The following FRK variants were observed in gnomAD, a reference collection of about 807,000 sequenced individuals.
FRK encodes the protein tyrosine-protein kinase FRK.
FRK carries 51 observed loss-of-function variants against 56.4 expected under a neutral mutation model. The ratio of observed to expected loss-of-function variants is 0.90; its 90% CI spans 0.72 to 1.14. FRK has a LOEUF of 1.14. Ranked by LOEUF, FRK falls within the 50% of genes most tolerant of loss-of-function variation. The pLI is 0.00. For missense variants in FRK, 570 were observed against 601.4 expected (o/e 0.95, Z 0.55); for synonymous variants, 245 against 217.9 (o/e 1.12, Z -1.10).
intron 1 of FRK, among the ~76,000 whole-genome samples, chr6:116,021,232 G>C (rs1487005616): frequency 6.6e-6 from 1 of 150,966 alleles, no homozygotes; most frequent in Admixed American, 6.6e-5. Flanking sequence ...ATTACAGTTG[G>C]AAAAACACAA....
At chr6:116,036,107 T>G (rs188203360) in intron 1 of FRK, among the ~76,000 whole-genome samples, 2 of 152,240 alleles carry the variant, frequency 1.3e-5, no homozygotes, top group Non-Finnish European at 2.9e-5. Context: ...TGCCTGCACT[T>G]TTTTTAAAAA....
chr6:115,973,215 C>A (rs972328869), intron 2 of FRK, among the ~76,000 whole-genome samples: 4 of 152,118 alleles, frequency 2.6e-5, no homozygotes, highest in Non-Finnish European at 5.9e-5. Context: ...ATATAATAAT[C>A]ATCAAATAGA....
At chr6:115,948,450 C>T (rs1434979719) in intron 5 of FRK, among the ~76,000 whole-genome samples, 6 of 152,310 alleles carry the variant, frequency 3.9e-5, no homozygotes, top group East Asian at 3.9e-4. Context: ...AGATAATAAA[C>T]ATTTGCTGCT....
At chr6:115,989,912 C>T (rs1774531990) in intron 2 of FRK, among the ~76,000 whole-genome samples, 1 of 151,822 alleles carries the variant, frequency 6.6e-6, no homozygotes, top group South Asian at 2.1e-4. Context: ...TACCAGTGCA[C>T]AAGCATTCCC....
chr6:116,092,723 G>C, the FRK span, among the ~76,000 whole-genome samples: 5 of 152,330 alleles, frequency 3.3e-5, 1 homozygote, highest in South Asian at 1.0e-3. Context: ...CTGCGTCGGT[G>C]AGTGCAACTA....
At chr6:116,047,335 G>A (rs980841619) in intron 1 of FRK, among the ~76,000 whole-genome samples, 3 of 151,032 alleles carry the variant, frequency 2.0e-5, no homozygotes, top group African/African-American at 7.3e-5. Flanking sequence ...CCAGACATCT[G>A]TAGTTTTTTT....
intron 2 of FRK, among the ~76,000 whole-genome samples, chr6:115,996,475 C>T (rs3798231): frequency 0.77 from 117,281 of 151,984 alleles, 45,988 homozygotes; most frequent in Middle Eastern, 0.91. Context: ...GTGATATGTC[C>T]TTCTGATTGT....
the FRK span, among the ~76,000 whole-genome samples, chr6:116,092,632 G>A: frequency 6.6e-6 from 1 of 152,196 alleles, no homozygotes; most frequent in African/African-American, 2.4e-5. Context: ...TGTTTCTGCT[G>A]CTGCGTCAGT....
rs1271411884 is a variant in FRK at position 115,944,415 on chromosome 6, T to C, written c.969A>G (p.Gly323=). ...CCTGTTGAGTCAGATGGATTTTTGA[T>C]CCAGTGTCATCTAAGTAATAAGAGA... ...SLQEYLQNDT[G]SKIHLTQQVD... The change falls in exon 6 of 8, where the codon GGA becomes GGG. Residue 323 remains glycine (G), a synonymous_variant. Transcript: ENST00000606080. The C allele has an allele frequency of 1.2e-6, 2 of 1,604,142 alleles. No homozygotes were observed. Among genetic ancestry groups the C allele is most frequent in the Non-Finnish European group, 1.7e-6 (2 of 1,177,492 alleles).
intron 4 of FRK, among the ~76,000 whole-genome samples, chr6:115,957,322 T>G (rs1773040501): frequency 6.6e-6 from 1 of 152,230 alleles, no homozygotes; most frequent in Non-Finnish European, 1.5e-5. Context: ...ATGGATCCAC[T>G]CTGACTCATC....
intron 2 of FRK, among the ~76,000 whole-genome samples, chr6:115,993,423 C>T (rs1197925673): frequency 1.3e-5 from 2 of 151,820 alleles, no homozygotes; most frequent in African/African-American, 2.4e-5. Flanking sequence ...TGGATGTTCA[C>T]AGAATTTTTT....
chr6:116,001,382 T>C (rs1297609330), intron 2 of FRK, among the ~76,000 whole-genome samples: 1 of 152,168 alleles, frequency 6.6e-6, no homozygotes, highest in Non-Finnish European at 1.5e-5. Context: ...TATAGATATA[T>C]ACACTATTAA....
chr6:116,042,161 G>A (rs1190219605), intron 1 of FRK, among the ~76,000 whole-genome samples: 1 of 152,170 alleles, frequency 6.6e-6, no homozygotes, highest in Non-Finnish European at 1.5e-5. Context: ...GCCCACCACA[G>A]CACTGCAAAG....
chr6:115,970,200 G>A (rs1383873843), intron 2 of FRK, among the ~76,000 whole-genome samples: 22 of 151,826 alleles, frequency 1.4e-4, no homozygotes, highest in Admixed American at 1.4e-3. Flanking sequence ...GTATTAACAA[G>A]GAAGTGGAGT....
At chr6:116,075,460 T>TG in the FRK span, among the ~76,000 whole-genome samples, 12,729 of 99,822 alleles carry the variant, frequency 0.13, 659 homozygotes, top group East Asian at 0.33. Context: ...GCTTAAGAGC[T>TG]GGGGGAAAAA....
chr6:115,958,402 G>T (rs111714432), intron 4 of FRK, among the ~76,000 whole-genome samples: 1 of 151,998 alleles, frequency 6.6e-6, no homozygotes, highest in Non-Finnish European at 1.5e-5. Flanking sequence ...CAAGGCAGGC[G>T]GATAACTTGA....
upstream of FRK, among the ~76,000 whole-genome samples, chr6:116,061,909 A>T (rs572545442): frequency 1.3e-5 from 2 of 152,196 alleles, no homozygotes; most frequent in South Asian, 4.2e-4. Context: ...GCATTTAGTA[A>T]TCAGAATAAT....
chr6:116,013,170 T>TG (rs896349398), intron 1 of FRK, among the ~76,000 whole-genome samples: 3 of 152,130 alleles, frequency 2.0e-5, no homozygotes, highest in African/African-American at 7.2e-5. Flanking sequence ...CTTTCTTCAC[T>TG]GGGGGAGGTG....
intron 2 of FRK, among the ~76,000 whole-genome samples, chr6:115,980,689 T>C (rs1227335568): frequency 2.0e-5 from 3 of 152,166 alleles, no homozygotes; most frequent in African/African-American, 4.8e-5. Context: ...TTAAAGACAA[T>C]GTCTGCACAT....
Sources: allele counts gnomAD v4.1 joint callset (sites outside exome capture counted in the v4.1 genomes callset), GRCh38; gene constraint gnomAD v4.1.1; transcripts MANE v1.5; gene names NCBI Gene and HGNC (gene_info 2026-07-23, HGNC 2026-07-21).